SUGCT: variants seen among roughly 807,000 people sequenced by gnomAD.
SUGCT encodes the protein succinyl-CoA:glutarate-CoA transferase, also known as succinyl-CoA:glutarate CoA-transferase.
SUGCT carries 41 observed loss-of-function variants against 55.0 expected under a neutral mutation model. The ratio of observed to expected loss-of-function variants is 0.74; its 90% CI spans 0.58 to 0.97. The LOEUF (loss-of-function observed/expected upper bound fraction) is 0.97, where lower values mean the gene tolerates loss of function less well. Ranked by LOEUF, SUGCT falls within the 50% of genes least tolerant of loss-of-function variation. The probability of loss-of-function intolerance (pLI) is 0.00; values close to 1 mark genes in which losing one functional copy is unlikely to be tolerated. For synonymous variants in SUGCT, 187 were observed against 200.4 expected (o/e 0.93, Z 0.56); for missense variants, 568 against 547.8 (o/e 1.04, Z -0.37).
chr7:40,859,713 T>C (rs1794390209), intron 13 of SUGCT, among the ~76,000 whole-genome samples: 1 of 152,190 alleles, frequency 6.6e-6, no homozygotes, highest in Admixed American at 6.5e-5. Context: ...AGTTCAGCAA[T>C]TCATCCAAGA....
the SUGCT span, among the ~76,000 whole-genome samples, chr7:41,037,555 A>G: frequency 6.6e-6 from 1 of 151,194 alleles, no homozygotes. Context: ...GAATTTACTG[A>G]CAGAACAGTG....
intron 6 of SUGCT, among the ~76,000 whole-genome samples, chr7:40,213,159 T>C (rs1045536825): frequency 1.8e-4 from 27 of 152,322 alleles, no homozygotes; most frequent in African/African-American, 6.3e-4. Flanking sequence ...AAAGACGCGT[T>C]AAAATCTTTA....
At chr7:40,903,613 C>G in the SUGCT span, among the ~76,000 whole-genome samples, 1 of 152,124 alleles carries the variant, frequency 6.6e-6, no homozygotes, top group Non-Finnish European at 1.5e-5. Context: ...ACAACAACAA[C>G]AAAAGCTTCA....
intron 6 of SUGCT, among the ~76,000 whole-genome samples, chr7:40,207,566 C>T (rs1316590414): frequency 6.6e-6 from 1 of 152,088 alleles, no homozygotes; most frequent in Non-Finnish European, 1.5e-5. Context: ...CCTGTAATCC[C>T]AGCACTTTGG....
intron 1 of SUGCT, among the ~76,000 whole-genome samples, chr7:40,143,549 C>T (rs765452356): frequency 1.3e-5 from 2 of 152,242 alleles, no homozygotes; most frequent in Admixed American, 6.5e-5. Flanking sequence ...GGCCTCTGGC[C>T]TGCGGTGCGC....
chr7:40,679,810 T>C (rs1784160667), intron 12 of SUGCT, among the ~76,000 whole-genome samples: 1 of 152,168 alleles, frequency 6.6e-6, no homozygotes, highest in African/African-American at 2.4e-5. Flanking sequence ...CCAGATCTCA[T>C]TTGCTATCCT....
At chr7:40,984,047 G>T in the SUGCT span, among the ~76,000 whole-genome samples, 1 of 152,084 alleles carries the variant, frequency 6.6e-6, no homozygotes, top group Non-Finnish European at 1.5e-5. Context: ...GTTACTTCCA[G>T]GTTCAGAGCC....
chr7:40,464,711 C>T (rs1479922059), intron 11 of SUGCT, among the ~76,000 whole-genome samples: 1 of 152,172 alleles, frequency 6.6e-6, no homozygotes, highest in Non-Finnish European at 1.5e-5. Context: ...CTGGCATGTG[C>T]CTGTAGTCCC....
chr7:40,495,719 GA>G (rs1240743763), intron 11 of SUGCT, among the ~76,000 whole-genome samples: 1 of 152,182 alleles, frequency 6.6e-6, no homozygotes, highest in Non-Finnish European at 1.5e-5. Flanking sequence ...GGATTTGGAT[GA>G]ATTTGAGTTT....
chr7:40,469,101 T>C (rs369295383), intron 11 of SUGCT, among the ~76,000 whole-genome samples: 1 of 152,250 alleles, frequency 6.6e-6, no homozygotes, highest in Admixed American at 6.5e-5. Flanking sequence ...CTTATTGTTT[T>C]CACCCTCTGA....
At chr7:40,500,758 A>G (rs753465661) in intron 12 of SUGCT, among the ~76,000 whole-genome samples, 10 of 152,256 alleles carry the variant, frequency 6.6e-5, no homozygotes, top group Middle Eastern at 3.4e-3. Flanking sequence ...TTTTGGCAAA[A>G]TATCTGAGCA....
At chr7:40,174,591 ATGTT>A (rs2150688149) in intron 1 of SUGCT, among the ~76,000 whole-genome samples, 1 of 152,292 alleles carries the variant, frequency 6.6e-6, no homozygotes, top group South Asian at 2.1e-4. Context: ...TGAACTATGT[ATGTT>A]CCTGCCACTG....
intron 9 of SUGCT, among the ~76,000 whole-genome samples, chr7:40,334,149 C>A (rs1796529377): frequency 6.6e-6 from 1 of 152,152 alleles, no homozygotes; most frequent in South Asian, 2.1e-4. Context: ...TCCAGTCTAT[C>A]ATTGATGGAC....
intron 13 of SUGCT, among the ~76,000 whole-genome samples, chr7:40,832,584 G>T (rs1397642773): frequency 1.4e-5 from 2 of 143,320 alleles, no homozygotes; most frequent in East Asian, 2.1e-4. Context: ...TCCCGGATGT[G>T]AGCACTCCTA....
chr7:40,359,985 C>T (rs149469822), intron 9 of SUGCT, among the ~76,000 whole-genome samples: 1 of 152,240 alleles, frequency 6.6e-6, no homozygotes, highest in East Asian at 1.9e-4. Flanking sequence ...TTACCCACTG[C>T]ATAGCCCATG....
intron 6 of SUGCT, among the ~76,000 whole-genome samples, chr7:40,207,992 A>G (rs1367376324): frequency 6.6e-6 from 1 of 152,218 alleles, no homozygotes; most frequent in African/African-American, 2.4e-5. Context: ...TAATGATGGA[A>G]TATTATTCAG....
intron 13 of SUGCT, among the ~76,000 whole-genome samples, chr7:40,757,083 T>C (rs183155669): frequency 3.3e-5 from 5 of 152,308 alleles, no homozygotes; most frequent in Non-Finnish European, 7.4e-5. Context: ...CTCAGGTGAC[T>C]TGCCATTGAG....
intron 13 of SUGCT, among the ~76,000 whole-genome samples, chr7:40,762,163 A>G (rs1343665579): frequency 6.6e-6 from 1 of 152,268 alleles, no homozygotes; most frequent in African/African-American, 2.4e-5. Flanking sequence ...ATGCTCTTGC[A>G]CTAGAAGCAG....
chr7:40,226,704 C>T (rs1359038125), intron 6 of SUGCT, among the ~76,000 whole-genome samples: 2 of 151,220 alleles, frequency 1.3e-5, no homozygotes, highest in Admixed American at 1.3e-4. Flanking sequence ...CCTATCTGGT[C>T]TTCAGTTTTT....
Sources: allele counts gnomAD v4.1 joint callset (sites outside exome capture counted in the v4.1 genomes callset), GRCh38; gene constraint gnomAD v4.1.1; transcripts MANE v1.5; gene names NCBI Gene and HGNC (gene_info 2026-07-23, HGNC 2026-07-21).